MRAP2: variants seen among roughly 807,000 people sequenced by gnomAD.
The protein encoded by MRAP2 is melanocortin-2 receptor accessory protein 2.
A neutral mutation model predicts 17.4 loss-of-function variants in MRAP2; 20 were observed. That is an observed-to-expected ratio of 1.15 (90% CI 0.81 to 1.67). The LOEUF (loss-of-function observed/expected upper bound fraction) is 1.67. MRAP2 is among the 40% of genes most tolerant of loss of function. The pLI is 0.00. For synonymous variants in MRAP2, 96 were observed against 88.4 expected, an observed-to-expected ratio of 1.09 and a Z score of -0.48; for missense variants, 238 against 240.0, an observed-to-expected ratio of 0.99 and a Z score of 0.05.
chr6:84,124,306 A>C, the MRAP2 span: 1 of 152,196 alleles, frequency 6.6e-6, no homozygotes, highest in African/African-American at 2.4e-5. Context: ...TCATGGAACC[A>C]ACCTAAGTAT....
downstream of MRAP2, among the ~76,000 whole-genome samples, chr6:84,091,848 G>C (rs922008994): frequency 3.4e-4 from 51 of 152,182 alleles, no homozygotes; most frequent in African/African-American, 1.2e-3. Context: ...TTACAGCACA[G>C]CAGGCCACAT....
chr6:84,081,298 G>A (rs2099498912), intron 3 of MRAP2, among the ~76,000 whole-genome samples: 1 of 152,224 alleles, frequency 6.6e-6, no homozygotes. Flanking sequence ...GCATGAAGCT[G>A]TCAACTTCTC....
At chr6:84,114,009 AT>A in the MRAP2 span, among the ~76,000 whole-genome samples, 3 of 151,796 alleles carry the variant, frequency 2.0e-5, no homozygotes, top group South Asian at 6.3e-4. Context: ...TGCCTTTAAC[AT>A]TTTTTTTGTT....
chr6:84,056,491 ATTCCT>A (rs1160135372), intron 2 of MRAP2, among the ~76,000 whole-genome samples: 5 of 152,188 alleles, frequency 3.3e-5, no homozygotes, highest in Non-Finnish European at 7.3e-5. Flanking sequence ...ACTTTCATTC[ATTCCT>A]TTATTGACAT....
At chr6:84,108,424 G>A in the MRAP2 span, among the ~76,000 whole-genome samples, 2 of 151,852 alleles carry the variant, frequency 1.3e-5, no homozygotes, top group Admixed American at 1.3e-4. Context: ...TTTCTCTAAT[G>A]ATCAGTGATG....
chr6:84,075,340 G>A (rs2099497315), intron 3 of MRAP2, among the ~76,000 whole-genome samples: 1 of 152,210 alleles, frequency 6.6e-6, no homozygotes, highest in African/African-American at 2.4e-5. Flanking sequence ...AAGGTAGACT[G>A]CAGAGGAAGA....
the MRAP2 span, among the ~76,000 whole-genome samples, chr6:84,120,021 G>A: frequency 2.0e-5 from 3 of 152,182 alleles, no homozygotes; most frequent in Admixed American, 2.0e-4. Context: ...GATATGTAAT[G>A]TGCAAGCTGG....
chr6:84,123,513 T>C, the MRAP2 span, among the ~76,000 whole-genome samples: 1 of 152,140 alleles, frequency 6.6e-6, no homozygotes, highest in African/African-American at 2.4e-5. Flanking sequence ...CTGGGAAAAC[T>C]GATTTGCCTT....
the MRAP2 span, among the ~76,000 whole-genome samples, chr6:84,107,423 T>A: frequency 1.3e-5 from 2 of 152,188 alleles, no homozygotes; most frequent in Admixed American, 6.6e-5. Flanking sequence ...TTTAGTTGAT[T>A]TTATTTCCCA....
intron 1 of MRAP2, among the ~76,000 whole-genome samples, chr6:84,050,396 T>G (rs901599882): frequency 3.3e-5 from 5 of 152,152 alleles, no homozygotes; most frequent in African/African-American, 1.2e-4. Flanking sequence ...CTTATAGAGA[T>G]GCTTTAAGAA....
At chr6:84,141,889 A>G in the MRAP2 span, among the ~76,000 whole-genome samples, 1 of 152,148 alleles carries the variant, frequency 6.6e-6, no homozygotes, top group African/African-American at 2.4e-5. Flanking sequence ...AGGAAAAGAA[A>G]AACTTAAAAA....
the MRAP2 span, among the ~76,000 whole-genome samples, chr6:84,140,280 G>A: frequency 1.3e-5 from 2 of 151,974 alleles, no homozygotes; most frequent in African/African-American, 2.4e-5. Context: ...GTTGATACTG[G>A]GAGAGTCCTA....
chr6:84,109,298 C>A, the MRAP2 span, among the ~76,000 whole-genome samples: 23 of 152,162 alleles, frequency 1.5e-4, no homozygotes, highest in Non-Finnish European at 3.2e-4. Flanking sequence ...TTCCTCCTAT[C>A]CGTGAGCATT....
chr6:84,108,566 T>C, the MRAP2 span, among the ~76,000 whole-genome samples: 1 of 152,200 alleles, frequency 6.6e-6, no homozygotes, highest in Non-Finnish European at 1.5e-5. Context: ...TCCTTATAGA[T>C]GCTGGATATT....
chr6:84,058,384 T>C (rs2099492215), intron 2 of MRAP2, among the ~76,000 whole-genome samples: 1 of 151,832 alleles, frequency 6.6e-6, no homozygotes, highest in South Asian at 2.1e-4. Flanking sequence ...GAAAGAAGAG[T>C]CAAGAATGAT....
At chr6:84,121,593 G>A in the MRAP2 span, among the ~76,000 whole-genome samples, 4 of 152,016 alleles carry the variant, frequency 2.6e-5, no homozygotes, top group African/African-American at 4.8e-5. Context: ...GTAGTGAGCC[G>A]AGATTACACC....
chr6:84,036,798 G>GT (rs759649994), intron 1 of MRAP2, among the ~76,000 whole-genome samples: 4 of 152,306 alleles, frequency 2.6e-5, no homozygotes, highest in Non-Finnish European at 5.9e-5. Flanking sequence ...TGATTGGTCC[G>GT]TTTTGACAGG....
At chr6:84,136,592 T>C in the MRAP2 span, among the ~76,000 whole-genome samples, 7 of 152,238 alleles carry the variant, frequency 4.6e-5, no homozygotes, top group African/African-American at 1.7e-4. Flanking sequence ...TGTATCTGTT[T>C]GATTATTTTT....
the MRAP2 span, chr6:84,125,208 C>T: frequency 1.9e-6 from 3 of 1,613,642 alleles, no homozygotes; most frequent in Admixed American, 5.0e-5. Flanking sequence ...TTAACTGTGC[C>T]AGTCTTTTCC....
Sources: gnomAD v4.1 joint callset for allele counts (sites outside exome capture counted in the v4.1 genomes callset) on GRCh38, gnomAD v4.1.1 for gene constraint, MANE v1.5 for transcripts, NCBI Gene and HGNC (gene_info 2026-07-23, HGNC 2026-07-21) for gene names.